CDKL5: variants seen among roughly 807,000 people sequenced by gnomAD.
CDKL5 encodes the protein cyclin-dependent kinase-like 5.
A neutral mutation model predicts 61.7 loss-of-function variants in CDKL5; 8 were observed. The observed-to-expected ratio is 0.13, with a 90% CI of 0.08 to 0.23. The LOEUF is 0.23. Ranked by LOEUF, CDKL5 falls within the 10% of genes least tolerant of loss-of-function variation. The pLI is 1.00. For missense variants in CDKL5, 440 were observed against 734.5 expected, an observed-to-expected ratio of 0.60 and a Z score of 4.63; for synonymous variants, 275 against 272.3, an observed-to-expected ratio of 1.01 and a Z score of -0.10.
Position 18,587,941 on chromosome X carries a change from C to T in CDKL5, c.555-13C>T. The stretch of plus-strand genomic sequence containing the variant: ...TTTCAGTTGCCAAAATAATCTCTTC[C>T]TTTATTTTTCAGCGCTCCCTATGGA... On this transcript the variant is annotated splice_polypyrimidine_tract_variant and intron_variant, in intron 8 of 17. Transcript: ENST00000623535. 1.7e-6 allele frequency: 2 copies of T among 1,202,190 alleles called. No homozygotes were observed. The highest frequency in any genetic ancestry group is 2.3e-6 in the Non-Finnish European group (2 of 887,109).
chrX:18,604,588 T>C lies in CDKL5; in HGVS notation c.1664T>C (p.Leu555Pro). The C allele has an allele frequency of 8.3e-7, 1 of 1,211,809 alleles. No individual in the cohort carries two copies. Among genetic ancestry groups the C allele is most frequent in the South Asian group, 1.8e-5 (1 of 56,998 alleles). Residue 555 changes from leucine (L) to proline (P), a missense_variant, in exon 12 of 18, where the codon CTG (leucine) becomes CCG (proline). Physicochemically the swap from Leu to Pro is moderately conservative, Grantham distance 98. Coordinates refer to ENST00000623535, the MANE Select transcript of CDKL5 (RefSeq NM_001323289.2). Reference sequence around the variant, plus strand: ...AGAAATAACCGAAATGAGGGAACGCTGGACTCACGTCGAACCACAACCAGA... The same window carrying C: ...AGAAATAACCGAAATGAGGGAACGCCGGACTCACGTCGAACCACAACCAGA... ...SGRNNRNEGT[L>P]DSRRTTTRHS... is the part of the protein sequence containing the mutation.
At chrX:18,516,575 A>G (rs1923030175) in intron 3 of CDKL5, among the ~76,000 whole-genome samples, 1 of 109,658 alleles carries the variant, frequency 9.1e-6, no homozygotes, top group Non-Finnish European at 1.9e-5. Context: ...CTAATAAGAT[A>G]GGATCTCGCT....
At chrX:18,457,506 C>T (rs1175713842) in intron 1 of CDKL5, 1 of 111,958 alleles carries the variant, frequency 8.9e-6, no homozygotes, top group Non-Finnish European at 1.9e-5. Flanking sequence ...AAGGGGAAAA[C>T]ATGGCTACTG....
rs1927333990 is a variant in CDKL5 at position 18,634,663 on chromosome X, T to A, written c.*5906T>A. 1 of 751,630 alleles carries A rather than the reference T, an allele frequency of 1.3e-6. No homozygotes were observed. The highest frequency in any genetic ancestry group is 2.3e-5 in the African/African-American group (1 of 42,924). 61.9% of individuals were successfully genotyped at this position (751,630 alleles called of 1,213,427 possible). A position where few individuals can be genotyped will look rare whatever the true frequency, so the allele number is the denominator to read the frequency against. ...CCCTTGTTTACTCTTTGGTCACCGATCGAGTCAGGCTAGAGGGGTAATACG... is the reference window on the plus strand; with the variant it reads ...CCCTTGTTTACTCTTTGGTCACCGAACGAGTCAGGCTAGAGGGGTAATACG... On this transcript the variant is annotated 3_prime_UTR_variant, in exon 18 of 18. Transcript: ENST00000623535.
chrX:18,485,503 G>A (rs1054430354), intron 1 of CDKL5, among the ~76,000 whole-genome samples: 1 of 111,691 alleles, frequency 9.0e-6, no homozygotes, highest in African/African-American at 3.3e-5. Context: ...TCAAATATAG[G>A]GTGTCAACAA....
rs1927214689 is a variant in CDKL5, at chrX:18,630,907, G to A, written c.*2150G>A. ...TCAGCAGTTTTGCCTGGACACTAATGACTCTAAAAGGGTGTGTATTTAACT... is the reference window on the plus strand; with the variant it reads ...TCAGCAGTTTTGCCTGGACACTAATAACTCTAAAAGGGTGTGTATTTAACT... On this transcript the variant is annotated 3_prime_UTR_variant, in exon 18 of 18. Transcript: ENST00000623535. The A allele has an allele frequency of 1.2e-5, 9 of 744,988 alleles. No homozygotes were observed. In the South Asian group the frequency reaches 6.4e-4, roughly 53 times the overall value. 61.4% of individuals were successfully genotyped at this position (744,988 alleles called of 1,213,427 possible).
intron 2 of CDKL5, among the ~76,000 whole-genome samples, chrX:18,508,324 G>A (rs1922659435): frequency 8.9e-6 from 1 of 112,243 alleles, no homozygotes; most frequent in Admixed American, 9.5e-5. Flanking sequence ...AAAATAAAGA[G>A]TTTAATCATT....
At chrX:18,534,117 C>T (rs1266080010) in intron 3 of CDKL5, among the ~76,000 whole-genome samples, 1 of 111,895 alleles carries the variant, frequency 8.9e-6, no homozygotes, top group Non-Finnish European at 1.9e-5. Context: ...AACCTCACTG[C>T]CTGCCTTTTA....
intron 1 of CDKL5, among the ~76,000 whole-genome samples, chrX:18,433,274 G>A (rs188036878): frequency 1.0e-4 from 11 of 109,212 alleles, no homozygotes; most frequent in African/African-American, 1.3e-4. Context: ...CTTCTCGGCC[G>A]GGCCTGGTGG....
At chrX:18,615,873 A>G (rs935142430) in intron 15 of CDKL5, among the ~76,000 whole-genome samples, 1 of 112,650 alleles carries the variant, frequency 8.9e-6, no homozygotes, top group Non-Finnish European at 1.9e-5. Flanking sequence ...TAAAGCAATA[A>G]ATAGATATTG....
intron 1 of CDKL5, among the ~76,000 whole-genome samples, chrX:18,462,258 G>A (rs1036224824): frequency 1.2e-4 from 13 of 110,772 alleles, no homozygotes; most frequent in African/African-American, 4.3e-4. Flanking sequence ...GATTTCAGTC[G>A]CAGCTGCAAT....
At chrX:18,446,692 C>T (rs901466451) in intron 1 of CDKL5, among the ~76,000 whole-genome samples, 4 of 111,668 alleles carry the variant, frequency 3.6e-5, no homozygotes, top group African/African-American at 1.3e-4. Context: ...CAACCCCAGT[C>T]GGTATTCCCT....
intron 1 of CDKL5, among the ~76,000 whole-genome samples, chrX:18,469,648 CAA>C (rs200046858): frequency 5.8e-4 from 36 of 61,559 alleles, no homozygotes; most frequent in East Asian, 1.8e-3. Flanking sequence ...AACTCTGTCT[CAA>C]AAAAAAAAAA....
chrX:18,610,042 A>T (rs920771995), intron 14 of CDKL5, among the ~76,000 whole-genome samples: 1 of 111,877 alleles, frequency 8.9e-6, no homozygotes, highest in Non-Finnish European at 1.9e-5. Context: ...AAGGGGGGAA[A>T]AAATAGAGCA....
chrX:18,489,357 C>T (rs1297693372), intron 1 of CDKL5, among the ~76,000 whole-genome samples: 1 of 110,513 alleles, frequency 9.0e-6, no homozygotes, highest in Non-Finnish European at 1.9e-5. Context: ...GACGGGGTTT[C>T]TCCATGTTGG....
At chrX:18,546,151 TA>T (rs1254171845) in intron 3 of CDKL5, among the ~76,000 whole-genome samples, 2 of 111,378 alleles carry the variant, frequency 1.8e-5, no homozygotes, top group East Asian at 5.6e-4. Flanking sequence ...CATGAAAATG[TA>T]AAAAAACAGG....
intron 1 of CDKL5, among the ~76,000 whole-genome samples, chrX:18,429,963 T>G (rs1397954858): frequency 1.8e-5 from 2 of 111,990 alleles, no homozygotes; most frequent in African/African-American, 6.5e-5. Context: ...GAGTTCCTAC[T>G]GTATATTATG....
intron 3 of CDKL5, among the ~76,000 whole-genome samples, chrX:18,534,253 C>T (rs975108424): frequency 4.5e-5 from 5 of 111,468 alleles, no homozygotes; most frequent in Non-Finnish European, 9.4e-5. Flanking sequence ...GGTGTCTTCG[C>T]GTTGTCCTCT....
chrX:18,498,417 GT>G (rs1488044798), intron 1 of CDKL5, among the ~76,000 whole-genome samples: 1 of 111,564 alleles, frequency 9.0e-6, no homozygotes, highest in Admixed American at 9.5e-5. Flanking sequence ...TATTACTTGT[GT>G]TTTCTGTTTC....
Sources: allele counts gnomAD v4.1 joint callset (sites outside exome capture counted in the v4.1 genomes callset), GRCh38; gene constraint gnomAD v4.1.1; transcripts MANE v1.5; gene names NCBI Gene and HGNC (gene_info 2026-07-23, HGNC 2026-07-21).